SETD6: variants seen among roughly 807,000 people sequenced by gnomAD.
SETD6 encodes the protein SET domain containing 6, protein lysine methyltransferase.
A neutral mutation model predicts 52.7 loss-of-function variants in SETD6; 67 were observed. The observed-to-expected ratio is 1.27, with a 90% CI of 1.04 to 1.56. SETD6 has a LOEUF of 1.56. Ranked by LOEUF, SETD6 falls within the 40% of genes most tolerant of loss-of-function variation. The pLI, the probability that SETD6 is intolerant of heterozygous loss-of-function variation, is 0.00. For synonymous variants in SETD6, 307 were observed against 250.2 expected, an observed-to-expected ratio of 1.23 and a Z score of -2.14; for missense variants, 712 against 607.5, an observed-to-expected ratio of 1.17 and a Z score of -1.81.
Position 58,521,303 on chromosome 16 carries a change from C to T in SETD6, c.*2274C>T. ...AGGATGTGGCCTATTTACAATCAAC[C>T]GTTCCAAGAGAACTCTGGAAAAAGG... On this transcript the variant is annotated 3_prime_UTR_variant, in exon 8 of 8. Coordinates refer to ENST00000219315, the MANE Select transcript of SETD6 (RefSeq NM_001160305.4). The T allele has an allele frequency of 1.9e-6, 3 of 1,610,330 alleles. No individual in the cohort carries two copies. The highest frequency in any genetic ancestry group is 2.5e-6 in the Non-Finnish European group (3 of 1,179,176).
rs2039114455 is a variant in SETD6, at chr16:58,515,932, C to G, written c.169C>G (p.Leu57Val). Reference sequence around the variant, plus strand: ...GACCCGCGGCGGGGCGCGGGCTGCCCTGACCAGCCCTCCTGCTCAGGTGGC... The same window carrying G: ...GACCCGCGGCGGGGCGCGGGCTGCCGTGACCAGCCCTCCTGCTCAGGTGGC... ...RRTRGGARAA[L>V]TSPPAQVAVS... Residue 57 changes from leucine to valine, a missense_variant, in exon 2 of 8, where the codon CTG becomes GTG. Coordinates refer to ENST00000219315, the MANE Select transcript of SETD6 (RefSeq NM_001160305.4). 13 of 1,517,284 alleles carry G rather than the reference C, an allele frequency of 8.6e-6. No homozygotes were observed. Among genetic ancestry groups the G allele is most frequent in the Admixed American group, 4.1e-5 (2 of 49,020 alleles). 94.0% of individuals were successfully genotyped at this position (1,517,284 alleles called of 1,614,324 possible). A position where few individuals can be genotyped will look rare whatever the true frequency, so the allele number is the denominator to read the frequency against.
Position 58,519,197 on chromosome 16 carries a change from T to C in SETD6, c.*168T>C, listed in dbSNP as rs1185034353. On this transcript the variant is annotated 3_prime_UTR_variant, in exon 8 of 8. Transcript: ENST00000219315. ...GATTAACTCAGGTAAGGGTGATGTG[T>C]TTTAGGATTGAGAACAGCAGACTTG... The C allele has an allele frequency of 7.8e-6, 5 of 644,232 alleles. No individual in the cohort carries two copies. Among genetic ancestry groups the C allele is most frequent in the Non-Finnish European group, 1.3e-5 (5 of 383,632 alleles). 39.9% of individuals were successfully genotyped at this position (644,232 alleles called of 1,614,324 possible).
rs2039483284 is a variant in SETD6, at chr16:58,523,631, C to G, written c.*4602C>G. The G allele has an allele frequency of 1.4e-6, 1 of 712,112 alleles. No individual in the cohort carries two copies. The highest frequency in any genetic ancestry group is 1.8e-5 in the African/African-American group (1 of 56,338). The allele number at this position is 712,112 out of a possible 1,614,324, so 44.1% of individuals were successfully genotyped here. On this transcript the variant is annotated 3_prime_UTR_variant, in exon 8 of 8. Coordinates refer to ENST00000219315, the MANE Select transcript of SETD6 (RefSeq NM_001160305.4). Reference sequence around the variant, plus strand: ...TAATCTTTGGTTTAAAGCAGTGGTTCTTGGGACCCCAAAGAGTTCTCATTT... The same window carrying G: ...TAATCTTTGGTTTAAAGCAGTGGTTGTTGGGACCCCAAAGAGTTCTCATTT...
In SETD6 at chr16:58,520,164, G is replaced by A. The variant is rs1211124109; in HGVS notation, c.*1135G>A. ...CCATTCATTCAGTGGGGTAATGGGG[G>A]AGAACAATTAATTAATGAGATTTGG... On this transcript the variant is annotated 3_prime_UTR_variant, in exon 8 of 8. Transcript: ENST00000219315. 2 of 152,052 alleles carry A rather than the reference G, an allele frequency of 1.3e-5. No individual in the cohort carries two copies. The highest frequency in any genetic ancestry group is 2.4e-5 in the African/African-American group (1 of 41,372). 9.4% of individuals were successfully genotyped at this position (152,052 alleles called of 1,614,324 possible).
chr16:58,516,016 G>A lies in SETD6; in HGVS notation c.253G>A (p.Ala85Thr), dbSNP rs756153838. 2 of 1,540,774 alleles carry A rather than the reference G, an allele frequency of 1.3e-6. No individual in the cohort carries two copies. Among genetic ancestry groups the A allele is most frequent in the Middle Eastern group, 1.8e-4 (1 of 5,572 alleles). Residue 85 changes from alanine (A) to threonine (T), a missense_variant, in exon 2 of 8, where the codon GCC becomes ACC. By Grantham distance (58) the Ala-to-Thr change is moderately conservative (BLOSUM62 0). Coordinates refer to ENST00000219315, the MANE Select transcript of SETD6 (RefSeq NM_001160305.4). ...YGMVARESVQ[A>T]GELLFVVPRA... ...CATGGTGGCCCGGGAGAGCGTGCAG[G>A]CCGGAGAGCTGTTGTTCGTGGTGCC...
At chr16:58,517,005 T>G (rs1435140210) in intron 5 of SETD6, 77 bp downstream of exon 5, 1 of 1,604,462 alleles carries the variant, frequency 6.2e-7, no homozygotes, top group Non-Finnish European at 8.5e-7. Context: ...CTCTTACTAG[T>G]GCTACAAAAT....
In SETD6 at chr16:58,516,009, C is replaced by G; in HGVS notation, c.246C>G (p.Ser82Arg). ...VAGYGMVARE[S>R]VQAGELLFVV... ...GCTACGGCATGGTGGCCCGGGAGAG[C>G]GTGCAGGCCGGAGAGCTGTTGTTCG... Residue 82 changes from serine (S) to arginine (R), a missense_variant, in exon 2 of 8, where the codon AGC becomes AGG. Ser to Arg is a moderately radical substitution (Grantham distance 110, BLOSUM62 -1). Transcript: ENST00000219315. 2 of 1,542,684 alleles carry G rather than the reference C, an allele frequency of 1.3e-6. No individual in the cohort carries two copies. Among genetic ancestry groups the G allele is most frequent in the Non-Finnish European group, 1.7e-6 (2 of 1,155,682 alleles).
At position 58,518,777 on chromosome 16, in the gene SETD6, G is replaced by A. The variant is rs760725558; in HGVS notation, c.1170G>A (p.Gly390=). The change falls in exon 8 of 8, where the codon GGG becomes GGA. Residue 390 remains glycine (G), a synonymous_variant. Coordinates refer to ENST00000219315, the MANE Select transcript of SETD6 (RefSeq NM_001160305.4). Reference sequence around the variant, plus strand: ...GAGAGCTTAAAGACCAGGATGGAGGGGGAGATGATAAAAGGGAAGAGGGCA... The same window carrying A: ...GAGAGCTTAAAGACCAGGATGGAGGAGGAGATGATAAAAGGGAAGAGGGCA... ...EFRELKDQDG[G]GDDKREEGSL... 12 of 1,614,002 alleles carry A rather than the reference G, an allele frequency of 7.4e-6. No homozygotes were observed. In the African/African-American group the frequency reaches 9.3e-5, roughly 13 times the overall value.
chr16:58,519,030 CAG>C lies in SETD6; in HGVS notation c.*2_*3del. 1 of 1,605,928 alleles carries C rather than the reference CAG, an allele frequency of 6.2e-7. No homozygotes were observed. Among genetic ancestry groups the C allele is most frequent in the Non-Finnish European group, 8.5e-7 (1 of 1,175,268 alleles). ...TCAGTTGTTGGAGCTGACAAGTTAG[CAG>C]TTTCCCTGTTCCCTGAAGGAACAGC... On this transcript the variant is annotated 3_prime_UTR_variant, in exon 8 of 8. Transcript: ENST00000219315.
At position 58,521,335 on chromosome 16, in the gene SETD6, G is replaced by C; in HGVS notation, c.*2306G>C. On this transcript the variant is annotated 3_prime_UTR_variant, in exon 8 of 8. Transcript: ENST00000219315. The stretch of plus-strand genomic sequence containing the variant: ...AGAGAACTCTGGAAAAAGGGAGAAA[G>C]AGCTAGTTAATGTATAGAAGCATAC... The C allele has an allele frequency of 6.3e-7, 1 of 1,592,988 alleles. No homozygotes were observed. Among genetic ancestry groups the C allele is most frequent in the Non-Finnish European group, 8.5e-7 (1 of 1,174,062 alleles).
At position 58,518,042 on chromosome 16, in the gene SETD6, T is replaced by A. The variant is rs371156890; in HGVS notation, c.793-9T>A. On this transcript the variant is annotated splice_polypyrimidine_tract_variant and intron_variant, in intron 5 of 7. Coordinates refer to ENST00000219315, the MANE Select transcript of SETD6 (RefSeq NM_001160305.4). ...AAGGCATGGCCCCAGCTTCTCCCTT[T>A]CACCTCAGAATTGTCTTCGGATGGT... 1.2e-4 allele frequency: 200 copies of A among 1,614,160 alleles called. No individual in the cohort carries two copies. The highest frequency in any genetic ancestry group is 1.5e-4 in the Non-Finnish European group (177 of 1,180,030).
chr16:58,517,146 C>A, intron 5 of SETD6: 1 of 633,316 alleles, frequency 1.6e-6, no homozygotes, highest in Non-Finnish European at 2.7e-6. Flanking sequence ...ATACTACCAT[C>A]ATTTATTTAG....
intron 5 of SETD6, 65 bp downstream of exon 5, chr16:58,516,993 T>C: frequency 6.2e-7 from 1 of 1,612,464 alleles, no homozygotes. Context: ...TTAGGCTCCA[T>C]TCTCTTACTA....
In SETD6 at chr16:58,519,073, C is replaced by CTAAGCTAA; in HGVS notation, c.*47_*54dup. 1 of 1,536,664 alleles carries CTAAGCTAA rather than the reference C, an allele frequency of 6.5e-7. No homozygotes were observed. The highest frequency in any genetic ancestry group is 8.8e-7 in the Non-Finnish European group (1 of 1,137,818). ...AAGGAACAGCAATAAGAACTTTATT[C>CTAAGCTAA]TAAGCTAATACTCATTGATGTTTGA... On this transcript the variant is annotated 3_prime_UTR_variant, in exon 8 of 8. Transcript: ENST00000219315.
At position 58,520,136 on chromosome 16, in the gene SETD6, T is replaced by C. The variant is rs1344726169; in HGVS notation, c.*1107T>C. On this transcript the variant is annotated 3_prime_UTR_variant, in exon 8 of 8. Coordinates refer to ENST00000219315, the MANE Select transcript of SETD6 (RefSeq NM_001160305.4). The stretch of plus-strand genomic sequence containing the variant: ...TTGTCATTATTCAGCTTAGCCTGTA[T>C]GGCCATTCATTCAGTGGGGTAATGG... The C allele has an allele frequency of 6.6e-6, 1 of 152,202 alleles. No individual in the cohort carries two copies. The highest frequency in any genetic ancestry group is 1.5e-5 in the Non-Finnish European group (1 of 68,046). 9.4% of individuals were successfully genotyped at this position (152,202 alleles called of 1,614,324 possible). A position where few individuals can be genotyped will look rare whatever the true frequency, so the allele number is the denominator to read the frequency against.
At chr16:58,518,659 T>C (rs2039258252) in intron 7 of SETD6, 65 bp from the exon 8 acceptor site, 9 of 1,592,134 alleles carry the variant, frequency 5.7e-6, no homozygotes, top group Non-Finnish European at 7.7e-6. Flanking sequence ...GAGTTTAGTC[T>C]CCTGAGTCAT....
chr16:58,516,305 C>G lies in SETD6; in HGVS notation c.438C>G (p.Leu146=), dbSNP rs2039147461. 7 of 1,606,376 alleles carry G rather than the reference C, an allele frequency of 4.4e-6. No homozygotes were observed. The highest frequency in any genetic ancestry group is 5.9e-6 in the Non-Finnish European group (7 of 1,179,890). ...CACGCTGGAGGCCCTACTTTGCGCTCTGGCCCGAGCTGGGCCGCTTGGAGC... is the reference window on the plus strand; with the variant it reads ...CACGCTGGAGGCCCTACTTTGCGCTGTGGCCCGAGCTGGGCCGCTTGGAGC... ...PASRWRPYFA[L]WPELGRLEHP... The change falls in exon 3 of 8, where the codon CTC becomes CTG. Residue 146 remains leucine (L), a synonymous_variant. Coordinates refer to ENST00000219315, the MANE Select transcript of SETD6 (RefSeq NM_001160305.4).
rs998358747 is a variant in SETD6 at position 58,516,740 on chromosome 16, A to ATCCC, written c.671+68_672-67insTCCC. 45 of 1,609,908 alleles carry ATCCC rather than the reference A, an allele frequency of 2.8e-5. No individual in the cohort carries two copies. The Middle Eastern group carries it at 5.0e-4, about 18-fold the overall frequency. ...AACTCTATAGAGGGACAAAAGTGGA[A>ATCCC]AAACAGTGAAATCCACCCCCAGTCC... On this transcript the variant is annotated intron_variant, in intron 4 of 7. Coordinates refer to ENST00000219315, the MANE Select transcript of SETD6 (RefSeq NM_001160305.4).
chr16:58,523,299 A>G lies in SETD6; in HGVS notation c.*4270A>G. On this transcript the variant is annotated 3_prime_UTR_variant, in exon 8 of 8. Coordinates refer to ENST00000219315, the MANE Select transcript of SETD6 (RefSeq NM_001160305.4). The stretch of plus-strand genomic sequence containing the variant: ...GATTTTCACTGAACACTGAAAGCAT[A>G]AAGAGGAAAAAAAAAAGATGAAAGG... The G allele has an allele frequency of 6.9e-7, 1 of 1,456,324 alleles. No homozygotes were observed. 90.2% of individuals were successfully genotyped at this position (1,456,324 alleles called of 1,614,324 possible).
Sources: gnomAD v4.1 joint callset for allele counts on GRCh38, gnomAD v4.1.1 for gene constraint, MANE v1.5 for transcripts, NCBI Gene and HGNC (gene_info 2026-07-23, HGNC 2026-07-21) for gene names.